Variants in TENM4 observed in about 807,000 individuals in gnomAD.
TENM4 encodes teneurin-4.
In TENM4, 82 loss-of-function variants were observed where a neutral mutation model predicts 243.3. The ratio of observed to expected loss-of-function variants is 0.34; its 90% CI spans 0.28 to 0.40. The LOEUF is 0.40. Among genes scored for constraint, TENM4 ranks in the 10% least tolerant of loss-of-function variants. The pLI, the probability that TENM4 is intolerant of heterozygous loss-of-function variation, is 1.00. For synonymous variants in TENM4, 1,412 were observed against 1,456.3 expected (o/e 0.97, Z 0.69); for missense variants, 3,138 against 3,673.3 (o/e 0.85, Z 3.77).
chr11:79,092,211 G>A (rs1312165172), intron 4 of TENM4, among the ~76,000 whole-genome samples: 1 of 152,180 alleles, frequency 6.6e-6, no homozygotes. Context: ...GCCTGCCTTG[G>A]GGAGCGCCCA....
chr11:79,192,151 C>T (rs1372511368), intron 3 of TENM4, among the ~76,000 whole-genome samples: 1 of 149,706 alleles, frequency 6.7e-6, no homozygotes, highest in Non-Finnish European at 1.5e-5. Context: ...GTGGGGGGGT[C>T]AGCCCCCTGC....
intron 9 of TENM4, among the ~76,000 whole-genome samples, chr11:78,863,863 C>T (rs1360501884): frequency 6.6e-6 from 1 of 152,220 alleles, no homozygotes; most frequent in Non-Finnish European, 1.5e-5. Flanking sequence ...TATACTTATA[C>T]ATGTACTAAA....
chr11:78,779,634 T>C (rs1856803913), intron 16 of TENM4, among the ~76,000 whole-genome samples: 1 of 152,128 alleles, frequency 6.6e-6, no homozygotes, highest in African/African-American at 2.4e-5. Flanking sequence ...TTGAGGAGCT[T>C]CTCTTTCTCT....
At chr11:79,268,298 T>C (rs1216421766) in intron 2 of TENM4, among the ~76,000 whole-genome samples, 1 of 152,146 alleles carries the variant, frequency 6.6e-6, no homozygotes, top group Non-Finnish European at 1.5e-5. Context: ...ACATAGACAA[T>C]ATGTATATGA....
intron 6 of TENM4, among the ~76,000 whole-genome samples, chr11:79,031,904 G>A (rs934320192): frequency 6.6e-6 from 1 of 152,100 alleles, no homozygotes; most frequent in South Asian, 2.1e-4. Context: ...GCATCTAATG[G>A]GCCAGAGCCA....
At chr11:79,063,103 C>A (rs1207800132) in intron 6 of TENM4, among the ~76,000 whole-genome samples, 2 of 152,184 alleles carry the variant, frequency 1.3e-5, no homozygotes, top group Non-Finnish European at 2.9e-5. Context: ...CATGTTAGTC[C>A]TCTGGGAGGG....
intron 12 of TENM4, among the ~76,000 whole-genome samples, chr11:78,845,727 A>G (rs1858377108): frequency 6.6e-6 from 1 of 152,220 alleles, no homozygotes; most frequent in African/African-American, 2.4e-5. Flanking sequence ...GTCAGTGGAA[A>G]AGCCAGCTGG....
At chr11:79,150,220 A>G (rs1862477232) in intron 3 of TENM4, among the ~76,000 whole-genome samples, 4 of 152,116 alleles carry the variant, frequency 2.6e-5, no homozygotes, top group Admixed American at 1.3e-4. Flanking sequence ...GTTCTCACAG[A>G]TCATTAAATT....
chr11:79,238,626 A>G (rs1864525122), intron 2 of TENM4, among the ~76,000 whole-genome samples: 1 of 152,064 alleles, frequency 6.6e-6, no homozygotes, highest in African/African-American at 2.4e-5. Context: ...TGGGTCTTCC[A>G]AGCCCTCATA....
intron 6 of TENM4, among the ~76,000 whole-genome samples, chr11:78,974,904 C>T (rs182740537): frequency 2.6e-5 from 4 of 151,710 alleles, no homozygotes; most frequent in South Asian, 2.1e-4. Flanking sequence ...AGGCTAGTCT[C>T]GAACTCCTGA....
chr11:79,295,174 C>A (rs1448424144), intron 2 of TENM4, among the ~76,000 whole-genome samples: 2 of 152,170 alleles, frequency 1.3e-5, no homozygotes, highest in Admixed American at 6.5e-5. Context: ...GGCGAATGAA[C>A]ATTCTTGTAG....
intron 6 of TENM4, among the ~76,000 whole-genome samples, chr11:78,980,977 G>T (rs998792084): frequency 6.6e-6 from 1 of 152,190 alleles, no homozygotes; most frequent in African/African-American, 2.4e-5. Context: ...GGCATGAAAG[G>T]TGTAGAAGCT....
chr11:79,390,883 A>G (rs970326245), intron 1 of TENM4, among the ~76,000 whole-genome samples: 5 of 152,260 alleles, frequency 3.3e-5, no homozygotes, highest in Admixed American at 3.3e-4. Flanking sequence ...CTTAAGTAGA[A>G]TAATACAAAG....
chr11:78,675,796 C>G (rs1858453375), intron 30 of TENM4, among the ~76,000 whole-genome samples: 2 of 152,180 alleles, frequency 1.3e-5, no homozygotes. Flanking sequence ...CTCTAAGATG[C>G]TTAATATATT....
At chr11:78,792,603 T>C (rs1333779917) in intron 15 of TENM4, among the ~76,000 whole-genome samples, 1 of 152,180 alleles carries the variant, frequency 6.6e-6, no homozygotes, top group Non-Finnish European at 1.5e-5. Flanking sequence ...GGAAGATCAA[T>C]GTGGTCCCCT....
chr11:79,429,299 T>C (rs1473925026), intron 1 of TENM4, among the ~76,000 whole-genome samples: 5 of 152,208 alleles, frequency 3.3e-5, no homozygotes, highest in Non-Finnish European at 7.4e-5. Context: ...TAGACTCCTA[T>C]AGAACCTCCC....
At position 79,253,271 on chromosome 11, in the gene TENM4, A is replaced by G. The variant is rs573599200; in HGVS notation, c.-264-37362T>C. On this transcript the variant is annotated intron_variant, in intron 2 of 33. Transcript: ENST00000278550. ...CACTCAAACTCACACTCAGGGCCTG[A>G]CCACCGTAAGGCCTGAGCAAACTCA... Among the ~76,000 whole-genome samples the G allele has an allele frequency of 5.9e-5, 9 of 152,258 alleles. No individual in the cohort carries two copies. The East Asian group carries it at 1.7e-3, about 29-fold the overall frequency.
chr11:78,769,102 G>T (rs1308501474), intron 18 of TENM4, among the ~76,000 whole-genome samples: 2 of 152,218 alleles, frequency 1.3e-5, no homozygotes, highest in Non-Finnish European at 2.9e-5. Context: ...TTTGACTTGT[G>T]AGAAGGGAAT....
intron 9 of TENM4, among the ~76,000 whole-genome samples, chr11:78,876,661 A>G (rs970400799): frequency 6.6e-6 from 1 of 152,068 alleles, no homozygotes; most frequent in Non-Finnish European, 1.5e-5. Flanking sequence ...TAGAATTGCC[A>G]TCAGCTCCTT....
Sources: allele counts gnomAD v4.1 joint callset (sites outside exome capture counted in the v4.1 genomes callset), GRCh38; gene constraint gnomAD v4.1.1; transcripts MANE v1.5; gene names NCBI Gene and HGNC (gene_info 2026-07-23, HGNC 2026-07-21).